FBXO25: variants seen among roughly 807,000 people sequenced by gnomAD.
FBXO25 encodes the protein F-box only protein 25.
Under a neutral mutation model 51.9 loss-of-function variants are expected in FBXO25, and 45 were observed. The observed-to-expected ratio is 0.87, with a 90% confidence interval of 0.68 to 1.11. The LOEUF is 1.11. Ranked by LOEUF, FBXO25 falls within the 50% of genes most tolerant of loss-of-function variation. The pLI is 0.00. For synonymous variants in FBXO25, 199 were observed against 151.0 expected (o/e 1.32, Z -2.33); for missense variants, 507 against 428.5 (o/e 1.18, Z -1.62).
intron 5 of FBXO25, among the ~76,000 whole-genome samples, chr8:438,391 A>T (rs533379473): frequency 2.0e-5 from 3 of 152,146 alleles, no homozygotes; most frequent in African/African-American, 4.8e-5. Context: ...ATGTAAAATC[A>T]TTTTTTCCAT....
intron 5 of FBXO25, among the ~76,000 whole-genome samples, chr8:445,787 C>G (rs1798702808): frequency 6.6e-6 from 1 of 152,198 alleles, no homozygotes; most frequent in Non-Finnish European, 1.5e-5. Context: ...TAGAGAATCG[C>G]TTGAACCCAG....
intron 7 of FBXO25, among the ~76,000 whole-genome samples, chr8:452,371 C>A (rs1410778053): frequency 6.6e-6 from 1 of 152,224 alleles, no homozygotes; most frequent in Non-Finnish European, 1.5e-5. Flanking sequence ...TACAGTCATT[C>A]AAAGCTTTGC....
chr8:432,704 A>C (rs1797886560), intron 3 of FBXO25, among the ~76,000 whole-genome samples, 182 bp from the exon 4 acceptor site: 1 of 152,214 alleles, frequency 6.6e-6, no homozygotes. Flanking sequence ...ATCATTGTTC[A>C]TATCTTAAAC....
chr8:407,548 C>T (rs562073540), intron 1 of FBXO25: 5 of 632,560 alleles, frequency 7.9e-6, no homozygotes, highest in African/African-American at 2.0e-5. Context: ...TCTGCGACCC[C>T]TTCCCGCCCC....
chr8:419,930 C>A (rs1402352852), intron 2 of FBXO25, among the ~76,000 whole-genome samples: 4 of 152,060 alleles, frequency 2.6e-5, no homozygotes, highest in Non-Finnish European at 4.4e-5. Flanking sequence ...AAGAAAACAA[C>A]CCAGTAAAAA....
intron 9 of FBXO25, chr8:468,216 G>A (rs936900560): frequency 9.9e-7 from 1 of 1,009,454 alleles, no homozygotes. Context: ...GAGCAAGCAG[G>A]AGCCTTGGGG....
Position 440,811 on chromosome 8 carries a change from C to G in FBXO25, c.381+5104C>G, listed in dbSNP as rs569729140. On this transcript the variant is annotated intron_variant, in intron 5 of 9. Transcript: ENST00000350302. ...GCCCATGTGTTCTCATTGTTCAGCT[C>G]CCACTTATGAATAAGAACATGTGGT... Among the ~76,000 whole-genome samples, 5 of 147,708 alleles carry G rather than the reference C, an allele frequency of 3.4e-5. No individual in the cohort carries two copies. In the East Asian group the frequency reaches 1.0e-3, roughly 30 times the overall value.
At chr8:453,674 G>A (rs1032879134) in intron 7 of FBXO25, among the ~76,000 whole-genome samples, 1 of 152,110 alleles carries the variant, frequency 6.6e-6, no homozygotes, top group African/African-American at 2.4e-5. Context: ...GATGGGGTTA[G>A]AACAGAGCAG....
At position 476,372 on chromosome 8, in the gene FBXO25, A is replaced by G. The variant is rs1128050; in HGVS notation, c.*7568A>G. 1 of 151,868 alleles carries G rather than the reference A, an allele frequency of 6.6e-6. No individual in the cohort carries two copies. 9.4% of individuals were successfully genotyped at this position (151,868 alleles called of 1,614,324 possible). ...GTCTGGTTTTGGTATCAGAATAATG[A>G]TGGCCTCATAGAATGCATTTGGAAG... On this transcript the variant is annotated 3_prime_UTR_variant, in exon 10 of 10. Coordinates refer to ENST00000350302, the MANE Select transcript of FBXO25 (RefSeq NM_183420.2).
At chr8:439,164 T>A (rs1362379410) in intron 5 of FBXO25, among the ~76,000 whole-genome samples, 3 of 152,196 alleles carry the variant, frequency 2.0e-5, no homozygotes, top group African/African-American at 7.2e-5. Context: ...TTAATGTGAC[T>A]GTGGTTTTTA....
At chr8:451,576 A>G (rs1002847381) in intron 7 of FBXO25, 123 bp downstream of exon 7, 5 of 935,158 alleles carry the variant, frequency 5.3e-6, no homozygotes, top group Admixed American at 3.0e-5. Flanking sequence ...TTTCATAAGT[A>G]TTCATTAAAT....
intron 5 of FBXO25, among the ~76,000 whole-genome samples, chr8:445,223 G>A (rs186060886): frequency 2.0e-5 from 3 of 152,114 alleles, no homozygotes; most frequent in Non-Finnish European, 4.4e-5. Flanking sequence ...TAAACTGACC[G>A]TGCTAAGCTA....
At chr8:450,116 A>G (rs370178351) in intron 6 of FBXO25, 33 bp downstream of exon 6, 4 of 1,483,134 alleles carry the variant, frequency 2.7e-6, no homozygotes, top group Non-Finnish European at 3.7e-6. Context: ...AATACTCTAA[A>G]TCTTAATTAG....
intron 2 of FBXO25, among the ~76,000 whole-genome samples, chr8:415,327 G>T (rs184741345): frequency 1.8e-3 from 269 of 152,270 alleles, no homozygotes; most frequent in African/African-American, 6.3e-3. Context: ...AGAGAACATA[G>T]GGAAGAAATT....
intron 2 of FBXO25, among the ~76,000 whole-genome samples, chr8:425,659 A>G (rs1005968480): frequency 1.3e-5 from 2 of 151,654 alleles, no homozygotes; most frequent in South Asian, 2.1e-4. Context: ...GTTGCCTGTG[A>G]CAGTTACTTT....
Position 468,703 on chromosome 8 carries a change from A to G in FBXO25, c.988-12A>G. 1.2e-6 allele frequency: 2 copies of G among 1,609,810 alleles called. No homozygotes were observed. Among genetic ancestry groups the G allele is most frequent in the Non-Finnish European group, 8.5e-7 (1 of 1,178,348 alleles). ...TGGGGCCCCCTCCTAACCATCTCCC[A>G]CCTCCCCACAGGACTCAGGACACCC... On this transcript the variant is annotated splice_polypyrimidine_tract_variant and intron_variant, in intron 9 of 9. Transcript: ENST00000350302.
At chr8:451,485 C>G (rs1318787621) in intron 7 of FBXO25, 32 bp downstream of exon 7, 28 of 1,585,954 alleles carry the variant, frequency 1.8e-5, no homozygotes, top group Middle Eastern at 1.7e-4. Flanking sequence ...AGTTATTACA[C>G]TCTGTTTTTA....
chr8:442,989 C>T (rs1335175855), intron 5 of FBXO25, among the ~76,000 whole-genome samples: 1 of 152,072 alleles, frequency 6.6e-6, no homozygotes, highest in Non-Finnish European at 1.5e-5. Context: ...GTTAACGCTC[C>T]TGAGAACAGA....
intron 5 of FBXO25, among the ~76,000 whole-genome samples, chr8:439,383 A>G (rs560016856): frequency 6.6e-6 from 1 of 152,194 alleles, no homozygotes. Flanking sequence ...TAAAAATGTT[A>G]AATATGCTCT....
Sources: allele counts gnomAD v4.1 joint callset (sites outside exome capture counted in the v4.1 genomes callset), GRCh38; gene constraint gnomAD v4.1.1; transcripts MANE v1.5; gene names NCBI Gene and HGNC (gene_info 2026-07-23, HGNC 2026-07-21).